The following TUSC3 variants were observed in gnomAD, a reference collection of about 807,000 sequenced individuals.
TUSC3 encodes the protein dolichyl-diphosphooligosaccharide--protein glycosyltransferase subunit TUSC3.
A neutral mutation model predicts 44.8 loss-of-function variants in TUSC3; 45 were observed. The observed-to-expected ratio is 1.00, with a 90% CI of 0.79 to 1.29. The LOEUF (loss-of-function observed/expected upper bound fraction) is 1.29. TUSC3 is among the 50% of genes most tolerant of loss of function. The probability of loss-of-function intolerance (pLI) is 0.00; values close to 1 mark genes in which losing one functional copy is unlikely to be tolerated. For synonymous variants in TUSC3, 212 were observed against 152.9 expected, an observed-to-expected ratio of 1.39 and a Z score of -2.85; for missense variants, 519 against 437.9, an observed-to-expected ratio of 1.19 and a Z score of -1.65.
intron 2 of TUSC3, among the ~76,000 whole-genome samples, chr8:15,495,799 T>C (rs1428638662): frequency 6.6e-6 from 1 of 152,156 alleles, no homozygotes; most frequent in African/African-American, 2.4e-5. Context: ...TAGGCTTATA[T>C]TGGAGAAATT....
At chr8:15,569,104 T>C (rs1238333896) in intron 1 of TUSC3, among the ~76,000 whole-genome samples, 1 of 152,172 alleles carries the variant, frequency 6.6e-6, no homozygotes, top group Non-Finnish European at 1.5e-5. Context: ...TCAGTAACAG[T>C]TTCCTTTATT....
At chr8:15,464,521 C>G (rs1334224718) in intron 1 of TUSC3, among the ~76,000 whole-genome samples, 1 of 152,020 alleles carries the variant, frequency 6.6e-6, no homozygotes, top group Non-Finnish European at 1.5e-5. Context: ...CTGTTTGACA[C>G]CTGAAACAAA....
chr8:15,477,577 C>A (rs1419654843), intron 1 of TUSC3, among the ~76,000 whole-genome samples: 2 of 151,904 alleles, frequency 1.3e-5, no homozygotes, highest in Non-Finnish European at 2.9e-5. Context: ...AAAAAATTAG[C>A]CAAGTGAGGT....
At chr8:15,800,752 C>T in the TUSC3 span, among the ~76,000 whole-genome samples, 4 of 152,082 alleles carry the variant, frequency 2.6e-5, no homozygotes, top group Admixed American at 2.0e-4. Flanking sequence ...CATACTGAGA[C>T]GTTCATGGCA....
chr8:15,801,622 C>A, the TUSC3 span, among the ~76,000 whole-genome samples: 9 of 152,060 alleles, frequency 5.9e-5, no homozygotes, highest in Non-Finnish European at 1.2e-4. Flanking sequence ...CAGTATATGG[C>A]AGGCAACTTG....
chr8:15,549,337 C>G (rs1158723450), intron 1 of TUSC3, among the ~76,000 whole-genome samples: 1 of 151,530 alleles, frequency 6.6e-6, no homozygotes, highest in Non-Finnish European at 1.5e-5. Context: ...CCACATCTGG[C>G]TGATTTTTGT....
chr8:15,532,853 C>T (rs1368606540), intron 2 of TUSC3, among the ~76,000 whole-genome samples: 7 of 152,158 alleles, frequency 4.6e-5, no homozygotes, highest in Non-Finnish European at 8.8e-5. Flanking sequence ...AGTGCAATGG[C>T]ACGATCTCCG....
At chr8:15,759,810 T>G (rs1006275285) in intron 10 of TUSC3, among the ~76,000 whole-genome samples, 1 of 152,150 alleles carries the variant, frequency 6.6e-6, no homozygotes, top group Non-Finnish European at 1.5e-5. Flanking sequence ...CATTAACAGT[T>G]CACCTCACTA....
At chr8:15,753,293 T>C (rs1161924964) in intron 9 of TUSC3, among the ~76,000 whole-genome samples, 1 of 152,054 alleles carries the variant, frequency 6.6e-6, no homozygotes, top group Non-Finnish European at 1.5e-5. Flanking sequence ...TTCAGCTCTT[T>C]TGAGAACTGT....
At chr8:15,702,986 A>C (rs1178845731) in intron 6 of TUSC3, among the ~76,000 whole-genome samples, 1 of 152,128 alleles carries the variant, frequency 6.6e-6, no homozygotes, top group African/African-American at 2.4e-5. Context: ...TAAACAAACA[A>C]AAAACACCAC....
the TUSC3 span, among the ~76,000 whole-genome samples, chr8:15,812,081 G>T: frequency 6.6e-6 from 1 of 152,104 alleles, no homozygotes. Context: ...TGGTTTTCTT[G>T]TCAAGGTTTT....
chr8:15,638,909 G>C (rs971529866), intron 2 of TUSC3, among the ~76,000 whole-genome samples: 3 of 152,110 alleles, frequency 2.0e-5, no homozygotes. Context: ...CAGTGATGAT[G>C]ATCATGTGTT....
At chr8:15,851,059 C>T in the TUSC3 span, among the ~76,000 whole-genome samples, 1 of 152,140 alleles carries the variant, frequency 6.6e-6, no homozygotes, top group South Asian at 2.1e-4. Flanking sequence ...TGTAACGTGT[C>T]TAAGTCAATG....
chr8:15,457,145 G>C (rs140744492), intron 1 of TUSC3, among the ~76,000 whole-genome samples: 1,664 of 135,870 alleles, frequency 0.012, 30 homozygotes, highest in African/African-American at 0.036. Context: ...GGAAGGGGAA[G>C]ATCACACACT....
intron 2 of TUSC3, among the ~76,000 whole-genome samples, chr8:15,632,263 T>A (rs1805806195): frequency 6.6e-6 from 1 of 152,090 alleles, no homozygotes; most frequent in Admixed American, 6.6e-5. Flanking sequence ...GATGGTGACT[T>A]TTTTTTTCCC....
At chr8:15,550,394 GT>G (rs2129136344) in intron 1 of TUSC3, among the ~76,000 whole-genome samples, 1 of 151,798 alleles carries the variant, frequency 6.6e-6, no homozygotes, top group African/African-American at 2.4e-5. Context: ...AATAGTAACT[GT>G]AGAATGTGAT....
intron 1 of TUSC3, among the ~76,000 whole-genome samples, chr8:15,575,630 G>T (rs1024053091): frequency 6.6e-6 from 1 of 152,034 alleles, no homozygotes; most frequent in Non-Finnish European, 1.5e-5. Context: ...AATTGAGAAT[G>T]GTGGCGGGCA....
chr8:15,822,726 T>C, the TUSC3 span, among the ~76,000 whole-genome samples: 15 of 151,908 alleles, frequency 9.9e-5, no homozygotes, highest in African/African-American at 3.4e-4. Flanking sequence ...AGCAGGAAAA[T>C]GGTGTCCTGG....
intron 2 of TUSC3, among the ~76,000 whole-genome samples, chr8:15,625,291 T>A (rs1019191141): frequency 6.6e-6 from 1 of 152,162 alleles, no homozygotes; most frequent in African/African-American, 2.4e-5. Flanking sequence ...TAGACACTGG[T>A]CTGTAGTTTT....
Sources: gnomAD v4.1 joint callset for allele counts (sites outside exome capture counted in the v4.1 genomes callset) on GRCh38, gnomAD v4.1.1 for gene constraint, MANE v1.5 for transcripts, NCBI Gene and HGNC (gene_info 2026-07-23, HGNC 2026-07-21) for gene names.